SLCO1A2: variants seen among roughly 807,000 people sequenced by gnomAD.
The protein encoded by SLCO1A2 is OATP-1.
Under a neutral mutation model 69.0 loss-of-function variants are expected in SLCO1A2, and 67 were observed. That is an observed-to-expected ratio of 0.97 (90% CI 0.80 to 1.19). SLCO1A2 has a LOEUF of 1.19. SLCO1A2 is among the 50% of genes most tolerant of loss of function. The pLI is 0.00. For synonymous variants in SLCO1A2, 260 were observed against 265.9 expected (o/e 0.98, Z 0.22); for missense variants, 787 against 793.7 (o/e 0.99, Z 0.10).
chr12:21,334,550 T>C (rs760941529), intron 2 of SLCO1A2, 38 bp downstream of exon 2: 4 of 1,466,810 alleles, frequency 2.7e-6, no homozygotes, highest in Non-Finnish European at 3.8e-6. Context: ...TAAAAACTAG[T>C]GTACATGCAC....
rs4149008 is a variant in SLCO1A2, at chr12:21,268,105, G to A, written c.*1443C>T. 0.27 allele frequency: 41,498 copies of A among 151,668 alleles called. 6,991 individuals carry two copies. Among genetic ancestry groups the A allele is most frequent in the African/African-American group, 0.48 (19,940 of 41,318 alleles). 9.4% of individuals were successfully genotyped at this position (151,668 alleles called of 1,614,324 possible). ...CATTTGCTTTCTTTTTTCATATGAT[G>A]CATCTGATCATTTAGGAAATCATAT... On this transcript the variant is annotated 3_prime_UTR_variant, in exon 15 of 15. Transcript: ENST00000683939.
At chr12:21,400,508 C>T (rs1941653628) in intron 1 of SLCO1A2, among the ~76,000 whole-genome samples, 1 of 151,802 alleles carries the variant, frequency 6.6e-6, no homozygotes, top group South Asian at 2.1e-4. Context: ...ACCATTTGAC[C>T]CAGCCATCCC....
At chr12:21,292,012 G>A in intron 12 of SLCO1A2, 152 bp downstream of exon 12, 1 of 480,340 alleles carries the variant, frequency 2.1e-6, no homozygotes, top group Non-Finnish European at 3.5e-6. Flanking sequence ...TTAAAATTTT[G>A]TGAAATCCAA....
chr12:21,387,683 C>T (rs775314899), intron 1 of SLCO1A2, among the ~76,000 whole-genome samples: 9 of 152,212 alleles, frequency 5.9e-5, no homozygotes, highest in Non-Finnish European at 1.0e-4. Context: ...CCTGCTAGCG[C>T]AGTGCAGAAG....
rs1441690366 is a variant in SLCO1A2, at chr12:21,264,741, GC to G, written c.*4806del. 1 of 152,148 alleles carries G rather than the reference GC, an allele frequency of 6.6e-6. No homozygotes were observed. The highest frequency in any genetic ancestry group is 1.5e-5 in the Non-Finnish European group (1 of 68,032). 9.4% of individuals were successfully genotyped at this position (152,148 alleles called of 1,614,324 possible). ...ACTCCAAAGCTCTCCTGGAAAGGTT[GC>G]CCCTTCTGGATTTCATGACCTTTCT... On this transcript the variant is annotated 3_prime_UTR_variant, in exon 15 of 15. Coordinates refer to ENST00000683939, the MANE Select transcript of SLCO1A2 (RefSeq NM_001386879.1).
chr12:21,394,393 T>A (rs960830385), intron 1 of SLCO1A2, among the ~76,000 whole-genome samples: 4 of 98,864 alleles, frequency 4.0e-5, no homozygotes, highest in Non-Finnish European at 7.0e-5. Context: ...ACACACACAT[T>A]AGCCAGAAGT....
chr12:21,394,572 C>CAT (rs1347622765), intron 1 of SLCO1A2, among the ~76,000 whole-genome samples: 2 of 151,398 alleles, frequency 1.3e-5, no homozygotes, highest in Admixed American at 1.3e-4. Context: ...CACACACACA[C>CAT]ACACACACAA....
intron 2 of SLCO1A2, among the ~76,000 whole-genome samples, chr12:21,333,209 T>C (rs1952719536): frequency 6.6e-6 from 1 of 152,130 alleles, no homozygotes; most frequent in Non-Finnish European, 1.5e-5. Flanking sequence ...CTACTTTACA[T>C]GTTAAGAAAA....
intron 1 of SLCO1A2, among the ~76,000 whole-genome samples, chr12:21,374,763 T>C (rs567487747): frequency 1.3e-5 from 2 of 152,272 alleles, no homozygotes; most frequent in African/African-American, 2.4e-5. Flanking sequence ...TCAATAGATA[T>C]AGAAATTTAC....
chr12:21,285,235 A>C (rs1429730912), intron 12 of SLCO1A2, among the ~76,000 whole-genome samples: 1 of 152,118 alleles, frequency 6.6e-6, no homozygotes, highest in Non-Finnish European at 1.5e-5. Flanking sequence ...ACACCTCTAC[A>C]CAAATAAAAC....
At chr12:21,334,558 C>A (rs755577252) in intron 2 of SLCO1A2, 30 bp downstream of exon 2, 3 of 1,522,756 alleles carry the variant, frequency 2.0e-6, no homozygotes, top group Non-Finnish European at 9.1e-7. Context: ...AGTGTACATG[C>A]ACATATATCC....
intron 2 of SLCO1A2, among the ~76,000 whole-genome samples, chr12:21,369,038 G>A (rs1394966865): frequency 2.0e-5 from 3 of 151,972 alleles, no homozygotes; most frequent in Non-Finnish European, 4.4e-5. Context: ...AAAATTTATG[G>A]GTGGGCAGAA....
chr12:21,287,574 C>T (rs1295441227), intron 12 of SLCO1A2, among the ~76,000 whole-genome samples: 6 of 144,036 alleles, frequency 4.2e-5, no homozygotes, highest in Admixed American at 2.1e-4. Context: ...ATGTTTATTG[C>T]GGCTCTATTC....
chr12:21,356,551 T>G (rs942379909), intron 2 of SLCO1A2, among the ~76,000 whole-genome samples: 2 of 151,364 alleles, frequency 1.3e-5, no homozygotes, highest in African/African-American at 4.9e-5. Flanking sequence ...TCATAATATT[T>G]GAAAAGGTAA....
At chr12:21,291,019 G>T (rs1450102845) in intron 12 of SLCO1A2, among the ~76,000 whole-genome samples, 1 of 152,084 alleles carries the variant, frequency 6.6e-6, no homozygotes, top group Non-Finnish European at 1.5e-5. Context: ...AATTGAATAA[G>T]CATCATGAAT....
At chr12:21,365,297 A>G in intron 2 of SLCO1A2, among the ~76,000 whole-genome samples, 1 of 152,210 alleles carries the variant, frequency 6.6e-6, no homozygotes. Context: ...GAAATGGGGA[A>G]AGGATTCCCT....
intron 2 of SLCO1A2, among the ~76,000 whole-genome samples, chr12:21,358,578 T>C (rs1220356932): frequency 6.6e-6 from 1 of 152,174 alleles, no homozygotes; most frequent in Non-Finnish European, 1.5e-5. Context: ...TCTATCATCA[T>C]ATATAGATAA....
chr12:21,352,037 T>C (rs1172481550), intron 2 of SLCO1A2, among the ~76,000 whole-genome samples: 1 of 152,062 alleles, frequency 6.6e-6, no homozygotes, highest in Non-Finnish European at 1.5e-5. Flanking sequence ...CGGAATAAAA[T>C]CTGAAGGACA....
chr12:21,298,431 C>A (rs1451468718), intron 8 of SLCO1A2, among the ~76,000 whole-genome samples: 1 of 152,132 alleles, frequency 6.6e-6, no homozygotes, highest in Non-Finnish European at 1.5e-5. Context: ...TTTCCTTTCA[C>A]TTTTCCTGTC....
Sources: allele counts gnomAD v4.1 joint callset (sites outside exome capture counted in the v4.1 genomes callset), GRCh38; gene constraint gnomAD v4.1.1; transcripts MANE v1.5; gene names NCBI Gene and HGNC (gene_info 2026-07-23, HGNC 2026-07-21).